NTRK3: variants seen among roughly 807,000 people sequenced by gnomAD.
NTRK3 encodes NT-3 growth factor receptor.
In NTRK3, 24 loss-of-function variants were observed where a neutral mutation model predicts 91.7. That is an observed-to-expected ratio of 0.26 (90% CI 0.19 to 0.37). The LOEUF is 0.37. Among genes scored for constraint, NTRK3 ranks in the 10% least tolerant of loss-of-function variants. NTRK3 has a pLI of 1.00. For synonymous variants in NTRK3, 483 were observed against 404.0 expected (o/e 1.20, Z -2.34); for missense variants, 880 against 1,068.9 (o/e 0.82, Z 2.46).
intron 13 of NTRK3, among the ~76,000 whole-genome samples, chr15:88,044,351 C>G (rs928633936): frequency 6.7e-6 from 1 of 149,834 alleles, no homozygotes; most frequent in African/African-American, 2.5e-5. Flanking sequence ...AGCTCTGCCT[C>G]CCGGGTTCAC....
At chr15:87,979,080 G>A (rs1396422216) in intron 14 of NTRK3, 3 of 558,618 alleles carry the variant, frequency 5.4e-6, no homozygotes, top group Non-Finnish European at 9.6e-6. Flanking sequence ...TCTCTTTATT[G>A]GCTCTAAAGA....
At position 88,241,897 on chromosome 15, in the gene NTRK3, C is replaced by G. The variant is rs923261473; in HGVS notation, c.248+14009G>C. 3.9e-5 allele frequency among the ~76,000 whole-genome samples: 6 copies of G among 152,174 alleles called. No individual in the cohort carries two copies. The highest frequency in any genetic ancestry group is 2.1e-4 in the South Asian group (1 of 4,824). On this transcript the variant is annotated intron_variant, in intron 3 of 18. Coordinates refer to ENST00000394480, the Ensembl canonical transcript of NTRK3. The surrounding 1 kb of genome is among the most constrained non-coding windows in gnomAD (Gnocchi z 4.3). ...GTGCAGGGAGAGGCCAGGAGAGTTG[C>G]TGCTCGGCTGCACACATCCTAGAAC...
rs1392775079 is a variant in NTRK3 at position 88,255,458 on chromosome 15, T to A, written c.248+448A>T. Reference sequence around the variant, plus strand: ...CGCGAGCAGTCCCTATCTGTCACCTTCCCTGCCGGCTAAGCGCTGCCGCCG... The same window carrying A: ...CGCGAGCAGTCCCTATCTGTCACCTACCCTGCCGGCTAAGCGCTGCCGCCG... On this transcript the variant is annotated intron_variant, in intron 3 of 18. Coordinates refer to ENST00000394480, the Ensembl canonical transcript of NTRK3. This position sits in a 1 kb window ranked among gnomAD's most constrained non-coding sequence, Gnocchi z 4.3. 6.6e-6 allele frequency among the ~76,000 whole-genome samples: 1 copy of A among 152,166 alleles called. No individual in the cohort carries two copies. The highest frequency in any genetic ancestry group is 6.5e-5 in the Admixed American group (1 of 15,284).
chr15:87,867,063 G>A (rs895363701), exon 19 of NTRK3: 4 of 223,562 alleles, frequency 1.8e-5, no homozygotes, highest in Non-Finnish European at 2.7e-5. Context: ...TCCTAACCAA[G>A]CCAGAAGGAT....
At chr15:88,075,438 C>T (rs2047452587) in intron 13 of NTRK3, among the ~76,000 whole-genome samples, 1 of 152,198 alleles carries the variant, frequency 6.6e-6, no homozygotes, top group African/African-American at 2.4e-5. Flanking sequence ...CCTCCATTAG[C>T]AGCTTAACGG....
chr15:87,997,330 A>G (rs2075778825), intron 14 of NTRK3, among the ~76,000 whole-genome samples: 1 of 152,176 alleles, frequency 6.6e-6, no homozygotes. Context: ...AAGAAGAGAG[A>G]GAAGGCGATG....
At chr15:88,209,600 A>G (rs550026909) in intron 3 of NTRK3, among the ~76,000 whole-genome samples, 4 of 152,364 alleles carry the variant, frequency 2.6e-5, no homozygotes, top group Admixed American at 2.6e-4. Context: ...TGAAGGGATA[A>G]AAGGAGGAAG....
chr15:88,152,878 GCCT>G (rs950901278), intron 5 of NTRK3, among the ~76,000 whole-genome samples: 22 of 152,290 alleles, frequency 1.4e-4, no homozygotes, highest in African/African-American at 4.3e-4. Flanking sequence ...GTGTACTCCA[GCCT>G]CCTCCTGCAA....
At chr15:88,208,592 C>A (rs1408850337) in intron 3 of NTRK3, among the ~76,000 whole-genome samples, 1 of 152,154 alleles carries the variant, frequency 6.6e-6, no homozygotes, top group African/African-American at 2.4e-5. Flanking sequence ...ATAGAACACA[C>A]TTTGAGTAGC....
chr15:88,034,595 C>G (rs2078903443), intron 13 of NTRK3, among the ~76,000 whole-genome samples: 1 of 152,216 alleles, frequency 6.6e-6, no homozygotes, highest in Non-Finnish European at 1.5e-5. Context: ...GGTTTTGCAG[C>G]TTGAACAATA....
chr15:87,955,001 G>C (rs562489333), intron 14 of NTRK3, among the ~76,000 whole-genome samples: 9 of 152,286 alleles, frequency 5.9e-5, no homozygotes, highest in African/African-American at 2.2e-4. Flanking sequence ...CTACTAACTA[G>C]CTATGTGACA....
intron 14 of NTRK3, among the ~76,000 whole-genome samples, chr15:88,023,977 T>G (rs74954606): frequency 5.9e-5 from 9 of 152,328 alleles, no homozygotes; most frequent in African/African-American, 1.9e-4. Flanking sequence ...TGGCTGGGAA[T>G]AAACACCCAT....
At chr15:88,166,797 G>A (rs144245451) in intron 5 of NTRK3, among the ~76,000 whole-genome samples, 24 of 152,288 alleles carry the variant, frequency 1.6e-4, no homozygotes, top group African/African-American at 3.8e-4. Flanking sequence ...CCTTGAGCAC[G>A]TTACATAACC....
At chr15:88,186,448 G>A (rs1050673349) in intron 3 of NTRK3, among the ~76,000 whole-genome samples, 6 of 152,022 alleles carry the variant, frequency 3.9e-5, no homozygotes, top group South Asian at 2.1e-4. Context: ...AGAGTCCTCC[G>A]GTAAGTAGAA....
At chr15:88,181,176 G>C (rs2046422434) in intron 5 of NTRK3, among the ~76,000 whole-genome samples, 1 of 152,152 alleles carries the variant, frequency 6.6e-6, no homozygotes, top group South Asian at 2.1e-4. Flanking sequence ...ACTTTGGCAA[G>C]AGCTGGCCAA....
At position 88,093,033 on chromosome 15, in the gene NTRK3, G is replaced by GTT. The variant is rs545742984; in HGVS notation, c.1396+33236_1396+33237dup. 2.1e-3 allele frequency among the ~76,000 whole-genome samples: 258 copies of GTT among 120,052 alleles called. 1 individual carries two copies. Among genetic ancestry groups the GTT allele is most frequent in the African/African-American group, 7.1e-3 (233 of 32,760 alleles). The allele number at this position is 120,052 out of a possible 152,430, so 78.8% of individuals were successfully genotyped here. ...ATTAGGACCTGATTTTTTGTTTCTG[G>GTT]TTTTTTTTTTTTTGGCTTTGGGGTT... On this transcript the variant is annotated intron_variant, in intron 13 of 18. Coordinates refer to ENST00000394480, the Ensembl canonical transcript of NTRK3.
chr15:88,112,810 C>G (rs767215233), intron 13 of NTRK3, among the ~76,000 whole-genome samples: 2 of 152,148 alleles, frequency 1.3e-5, no homozygotes, highest in African/African-American at 4.8e-5. Flanking sequence ...AGAAAGTGAA[C>G]GGAGCCACAT....
chr15:88,032,861 G>A (rs771528405), exon 14 of NTRK3: 1 of 1,613,734 alleles, frequency 6.2e-7, no homozygotes, highest in South Asian at 1.1e-5. Context: ...ACTTACACGT[G>A]TCCGGCTTGT....
intron 15 of NTRK3, among the ~76,000 whole-genome samples, chr15:87,934,708 T>C (rs891737707): frequency 1.3e-5 from 2 of 152,088 alleles, no homozygotes; most frequent in African/African-American, 4.8e-5. Flanking sequence ...TTGGAGAAAC[T>C]GAGGCTGAGC....
Sources: allele counts gnomAD v4.1 joint callset (sites outside exome capture counted in the v4.1 genomes callset), GRCh38; gene constraint gnomAD v4.1.1; non-coding constraint Gnocchi (gnomAD v3.1); transcripts MANE v1.5; gene names NCBI Gene and HGNC (gene_info 2026-07-23, HGNC 2026-07-21).